Variants in KLHL5 observed in about 807,000 individuals in gnomAD.
KLHL5 encodes the protein kelch like family member 5, also known as kelch-like protein 5.
In KLHL5, 48 loss-of-function variants were observed where a neutral mutation model predicts 77.7. The ratio of observed to expected loss-of-function variants is 0.62; its 90% CI spans 0.49 to 0.79. The LOEUF is 0.79. Ranked by LOEUF, KLHL5 falls within the 30% of genes least tolerant of loss-of-function variation. KLHL5 has a pLI of 0.00. For missense variants in KLHL5, 723 were observed against 859.7 expected (o/e 0.84, Z 1.99); for synonymous variants, 260 against 297.0 (o/e 0.88, Z 1.28).
At chr4:39,139,709 C>A in the KLHL5 span, among the ~76,000 whole-genome samples, 5 of 152,306 alleles carry the variant, frequency 3.3e-5, no homozygotes, top group Non-Finnish European at 7.3e-5. Context: ...AAATCTATTT[C>A]TTTAAAAAAT....
intron 1 of KLHL5, among the ~76,000 whole-genome samples, chr4:39,066,564 A>C (rs2566131): frequency 0.25 from 37,899 of 152,032 alleles, 4,874 homozygotes; most frequent in South Asian, 0.36. Flanking sequence ...ACATTCCTCA[A>C]CTTACAATGG....
chr4:39,062,242 G>A lies in KLHL5; in HGVS notation c.-411G>A, dbSNP rs1717481838. 7.9e-7 allele frequency: 1 copy of A among 1,258,998 alleles called. No individual in the cohort carries two copies. The highest frequency in any genetic ancestry group is 2.1e-5 in the South Asian group (1 of 48,670). The allele number at this position is 1,258,998 out of a possible 1,614,324, so 78.0% of individuals were successfully genotyped here. On this transcript the variant is annotated 5_prime_UTR_variant, in exon 1 of 11. Transcript: ENST00000504108. ...AGCAGAGACTGAGATACTGCAACGGGGATAGTGTTTTCTGTCTCTGTCATT... is the reference window on the plus strand; with the variant it reads ...AGCAGAGACTGAGATACTGCAACGGAGATAGTGTTTTCTGTCTCTGTCATT...
In KLHL5 at chr4:39,125,405, G is replaced by A. The variant is rs571359457; in HGVS notation, c.*4339G>A. On this transcript the variant is annotated 3_prime_UTR_variant, in exon 11 of 11. Transcript: ENST00000504108. ...AACTTTCACGCAAATATTCATTGCA[G>A]CACTAGTCACAGTAGCCAAAAAAGA... Among the ~76,000 whole-genome samples, 1 of 152,244 alleles carries A rather than the reference G, an allele frequency of 6.6e-6. No homozygotes were observed. The highest frequency in any genetic ancestry group is 2.4e-5 in the African/African-American group (1 of 41,544).
At chr4:39,127,224 A>G (rs367571231), downstream of KLHL5, among the ~76,000 whole-genome samples, 26 of 151,868 alleles carry the variant, frequency 1.7e-4, no homozygotes, top group East Asian at 1.5e-3. Flanking sequence ...GGGAGGCTGA[A>G]GTGGGAGGAT....
rs934861156 is a variant in KLHL5 at position 39,081,859 on chromosome 4, A to G, written c.704-104A>G. On this transcript the variant is annotated intron_variant, in intron 3 of 10. Transcript: ENST00000504108. This position sits in a 1 kb window ranked among gnomAD's most constrained non-coding sequence, Gnocchi z 4.3. ...CTTAAACCATGTAGGTCTGTAATGCATGTAATGAGCTCTTATATGGAACCA... is the reference window on the plus strand; with the variant it reads ...CTTAAACCATGTAGGTCTGTAATGCGTGTAATGAGCTCTTATATGGAACCA... 1.1e-5 allele frequency: 8 copies of G among 761,614 alleles called. No homozygotes were observed. Among genetic ancestry groups the G allele is most frequent in the Non-Finnish European group, 1.2e-5 (6 of 502,460 alleles). The allele number at this position is 761,614 out of a possible 1,614,324, so 47.2% of individuals were successfully genotyped here. A position where few individuals can be genotyped will look rare whatever the true frequency, so the allele number is the denominator to read the frequency against.
intron 1 of KLHL5, among the ~76,000 whole-genome samples, chr4:39,074,925 C>G (rs1028552994): frequency 1.3e-5 from 2 of 152,058 alleles, no homozygotes; most frequent in Non-Finnish European, 2.9e-5. Context: ...TTTAAGTGAT[C>G]CTGGAGAGGA....
chr4:39,090,150 A>C (rs886242534), intron 5 of KLHL5, among the ~76,000 whole-genome samples: 3 of 152,344 alleles, frequency 2.0e-5, no homozygotes, highest in Admixed American at 6.5e-5. Flanking sequence ...GGAAAATATA[A>C]CAATCATTAA....
At chr4:39,061,966 A>G (rs1035423887), upstream of KLHL5, among the ~76,000 whole-genome samples, 1 of 152,188 alleles carries the variant, frequency 6.6e-6, no homozygotes, top group Non-Finnish European at 1.5e-5. Context: ...GGTGAAGGCA[A>G]TAGTCTGGAG....
In KLHL5 at chr4:39,096,891, CTT is replaced by C. The variant is rs1364052059; in HGVS notation, c.1300+16_1300+17del. ...GATTCAACAAAAGGTATCAAATAAT[CTT>C]TTATTTGGGGAGGGAGGACCAGAGA... On this transcript the variant is annotated intron_variant, in intron 6 of 10. Coordinates refer to ENST00000504108, the MANE Select transcript of KLHL5 (RefSeq NM_015990.5). 6.3e-7 allele frequency: 1 copy of C among 1,591,072 alleles called. No homozygotes were observed. The highest frequency in any genetic ancestry group is 1.3e-5 in the African/African-American group (1 of 74,298).
chr4:39,086,738 G>A lies in KLHL5; in HGVS notation c.1113+11G>A. 2 of 1,589,584 alleles carry A rather than the reference G, an allele frequency of 1.3e-6. No homozygotes were observed. Among genetic ancestry groups the A allele is most frequent in the Non-Finnish European group, 1.7e-6 (2 of 1,158,054 alleles). ...CTTCTTGCACCACAGGTAATTAATA[G>A]GCACTTGTTTATAGGAATTTTTCTT... is the stretch of plus-strand genomic sequence containing the variant. On this transcript the variant is annotated intron_variant, in intron 5 of 10. Coordinates refer to ENST00000504108, the MANE Select transcript of KLHL5 (RefSeq NM_015990.5).
intron 7 of KLHL5, among the ~76,000 whole-genome samples, chr4:39,103,924 A>G (rs1305364989): frequency 7.0e-6 from 1 of 143,468 alleles, no homozygotes; most frequent in Non-Finnish European, 1.5e-5. Context: ...TCAAGGCTGC[A>G]GTGAGCTGTG....
In KLHL5 at chr4:39,082,143, C is replaced by T; in HGVS notation, c.884C>T (p.Ala295Val). 1 of 1,605,058 alleles carries T rather than the reference C, an allele frequency of 6.2e-7. No homozygotes were observed. Among genetic ancestry groups the T allele is most frequent in the Non-Finnish European group, 8.5e-7 (1 of 1,176,830 alleles). Reference protein sequence around the residue: ...AQGCTDLHKVAHNYTMEHFME... With the variant: ...AQGCTDLHKVVHNYTMEHFME... ...GGTTGTACAGATTTGCATAAAGTGG[C>T]TCACAATTATACTATGGTATGTATT... is the stretch of plus-strand genomic sequence containing the variant. Residue 295 changes from alanine to valine, a missense_variant, in exon 4 of 11, where the codon GCT becomes GTT. Transcript: ENST00000504108.
chr4:39,130,297 G>A (rs1723747785), downstream of KLHL5, among the ~76,000 whole-genome samples: 1 of 152,152 alleles, frequency 6.6e-6, no homozygotes, highest in African/African-American at 2.4e-5. Context: ...GAATAGGTTG[G>A]GCTAGTTAAC....
chr4:39,052,598 T>A (rs1251401048), intron 1 of KLHL5, among the ~76,000 whole-genome samples: 1 of 152,210 alleles, frequency 6.6e-6, no homozygotes, highest in African/African-American at 2.4e-5. Flanking sequence ...AGTAGAGTGA[T>A]GTAGTCAAGA....
chr4:39,058,358 C>G (rs1219685563), upstream of KLHL5, among the ~76,000 whole-genome samples: 1 of 152,148 alleles, frequency 6.6e-6, no homozygotes, highest in East Asian at 1.9e-4. Context: ...GTCAGCCAGG[C>G]AGCGTGGCTG....
chr4:39,063,464 A>G, intron 1 of KLHL5: 1 of 309,046 alleles, frequency 3.2e-6, no homozygotes, highest in South Asian at 2.8e-5. Context: ...TGAAAAGGAA[A>G]GGTTTTGCAA....
At chr4:39,093,320 A>G (rs148106045) in intron 5 of KLHL5, 2 of 447,464 alleles carry the variant, frequency 4.5e-6, no homozygotes, top group African/African-American at 4.0e-5. Flanking sequence ...GTAGAGACAG[A>G]TTAGTGCTTG....
the KLHL5 span, among the ~76,000 whole-genome samples, chr4:39,139,378 A>G: frequency 2.0e-5 from 3 of 151,996 alleles, no homozygotes; most frequent in African/African-American, 7.2e-5. Flanking sequence ...GGTGGGCACT[A>G]GGGGTTAGGG....
chr4:39,108,368 G>A (rs1218470794), intron 8 of KLHL5, among the ~76,000 whole-genome samples: 1 of 151,708 alleles, frequency 6.6e-6, no homozygotes, highest in Admixed American at 6.6e-5. Flanking sequence ...TTATTTGTGG[G>A]GTACCTTTTG....
Sources: gnomAD v4.1 joint callset for allele counts (sites outside exome capture counted in the v4.1 genomes callset) on GRCh38, gnomAD v4.1.1 for gene constraint, Gnocchi (gnomAD v3.1) non-coding constraint, MANE v1.5 for transcripts, NCBI Gene and HGNC (gene_info 2026-07-23, HGNC 2026-07-21) for gene names.